COLEC12: variants seen among roughly 807,000 people sequenced by gnomAD.
The protein encoded by COLEC12 is collectin subfamily member 12.
Under a neutral mutation model 71.1 loss-of-function variants are expected in COLEC12, and 33 were observed. That is an observed-to-expected ratio of 0.46 (90% CI 0.35 to 0.62). The LOEUF is 0.62. Among genes scored for constraint, COLEC12 ranks in the 20% least tolerant of loss-of-function variants. The probability of loss-of-function intolerance (pLI) is 0.00; values close to 1 mark genes in which losing one functional copy is unlikely to be tolerated. For missense variants in COLEC12, 765 were observed against 916.1 expected, an observed-to-expected ratio of 0.84 and a Z score of 2.13; for synonymous variants, 350 against 353.0, an observed-to-expected ratio of 0.99 and a Z score of 0.10.
intron 8 of COLEC12, among the ~76,000 whole-genome samples, chr18:323,452 A>G (rs891759592): frequency 1.3e-5 from 2 of 152,180 alleles, no homozygotes; most frequent in African/African-American, 4.8e-5. Context: ...CAGAGAAGAG[A>G]CAAAGTCCCA....
chr18:467,471 G>A (rs1917110170), intron 2 of COLEC12, among the ~76,000 whole-genome samples: 1 of 152,206 alleles, frequency 6.6e-6, no homozygotes, highest in South Asian at 2.1e-4. Context: ...TCCTCTGTTG[G>A]TAACTGGTGG....
chr18:342,387 G>A (rs557264440), intron 5 of COLEC12, among the ~76,000 whole-genome samples: 2 of 152,376 alleles, frequency 1.3e-5, no homozygotes, highest in South Asian at 4.1e-4. Flanking sequence ...CAGTCAGTCA[G>A]CTTCAGCTCC....
chr18:370,997 T>G (rs927630740), intron 2 of COLEC12, among the ~76,000 whole-genome samples: 1 of 152,200 alleles, frequency 6.6e-6, no homozygotes, highest in South Asian at 2.1e-4. Context: ...AAATGAAGAA[T>G]ACAATGAAGT....
intron 2 of COLEC12, among the ~76,000 whole-genome samples, chr18:398,241 G>A (rs1915611351): frequency 6.6e-6 from 1 of 152,154 alleles, no homozygotes; most frequent in Non-Finnish European, 1.5e-5. Context: ...AATACCTTCA[G>A]TAAATGGATT....
At chr18:415,128 G>A (rs1915962493) in intron 2 of COLEC12, among the ~76,000 whole-genome samples, 1 of 152,202 alleles carries the variant, frequency 6.6e-6, no homozygotes. Flanking sequence ...CAAGGCAATG[G>A]CAAACATTTG....
At chr18:370,494 T>G (rs1914976652) in intron 2 of COLEC12, among the ~76,000 whole-genome samples, 1 of 152,196 alleles carries the variant, frequency 6.6e-6, no homozygotes. Context: ...GAATATGGAA[T>G]TTGGAATTAG....
At chr18:477,047 G>A (rs78721297) in intron 2 of COLEC12, among the ~76,000 whole-genome samples, 6,315 of 152,232 alleles carry the variant, frequency 0.041, 198 homozygotes, top group Admixed American at 0.12. Context: ...CTTTGGGAAC[G>A]GGGCTGAACA....
chr18:486,870 G>T (rs1292699421), intron 1 of COLEC12, among the ~76,000 whole-genome samples: 3 of 152,192 alleles, frequency 2.0e-5, no homozygotes, highest in African/African-American at 7.2e-5. Context: ...CTGTTGGTGG[G>T]AATGTAAAAT....
At position 346,267 on chromosome 18, in the gene COLEC12, C is replaced by A; in HGVS notation, c.1327+28G>T. On this transcript the variant is annotated intron_variant, in intron 5 of 9. Coordinates refer to ENST00000400256, the MANE Select transcript of COLEC12 (RefSeq NM_130386.3). The surrounding 1 kb of genome is among the most constrained non-coding windows in gnomAD (Gnocchi z 4.0). ...GTTATGCAGCAATAAACAACTAATA[C>A]AAATACAAATTCAGAATTTTGACTT... 1 of 1,519,820 alleles carries A rather than the reference C, an allele frequency of 6.6e-7. No individual in the cohort carries two copies. The highest frequency in any genetic ancestry group is 1.2e-5 in the South Asian group (1 of 82,292). 94.1% of individuals were successfully genotyped at this position (1,519,820 alleles called of 1,614,324 possible). A position where few individuals can be genotyped will look rare whatever the true frequency, so the allele number is the denominator to read the frequency against.
At position 327,552 on chromosome 18, in the gene COLEC12, C is replaced by T. The variant is rs1388345905; in HGVS notation, c.2063+4116G>A. Among the ~76,000 whole-genome samples the T allele has an allele frequency of 6.6e-6, 1 of 152,194 alleles. No individual in the cohort carries two copies. Among genetic ancestry groups the T allele is most frequent in the Non-Finnish European group, 1.5e-5 (1 of 68,040 alleles). On this transcript the variant is annotated intron_variant, in intron 8 of 9. Transcript: ENST00000400256. The surrounding 1 kb of genome is among the most constrained non-coding windows in gnomAD (Gnocchi z 4.0). ...TAAGCCTGAGCTCAATCTGTGTGTC[C>T]CCTAAGCCTTTGGCTTCTGTTCCAT...
At chr18:386,289 C>A (rs1312750782) in intron 2 of COLEC12, among the ~76,000 whole-genome samples, 1 of 152,124 alleles carries the variant, frequency 6.6e-6, no homozygotes, top group East Asian at 1.9e-4. Flanking sequence ...ATGTTGTAAC[C>A]ATACATGGGC....
intron 2 of COLEC12, among the ~76,000 whole-genome samples, chr18:419,139 G>A (rs1916045384): frequency 6.7e-6 from 1 of 149,300 alleles, no homozygotes; most frequent in African/African-American, 2.5e-5. Flanking sequence ...ATCAATGTAA[G>A]GCATCATACT....
At chr18:430,954 T>C (rs8091597) in intron 2 of COLEC12, among the ~76,000 whole-genome samples, 36,361 of 152,096 alleles carry the variant, frequency 0.24, 4,755 homozygotes, top group African/African-American at 0.3. Context: ...AGTGGCAACA[T>C]ATAGGAACTA....
In COLEC12 at chr18:347,206, A is replaced by C; in HGVS notation, c.416T>G (p.Leu139Ter). The C allele has an allele frequency of 6.2e-7, 1 of 1,614,154 alleles. No homozygotes were observed. Among genetic ancestry groups the C allele is most frequent in the Non-Finnish European group, 8.5e-7 (1 of 1,180,044 alleles). The change falls in exon 5 of 10, where the codon TTA becomes TGA. Residue 139 changes from leucine (L) to a stop codon, truncating the protein, a stop_gained. Coordinates refer to ENST00000400256, the MANE Select transcript of COLEC12 (RefSeq NM_130386.3). LOFTEE classifies it high-confidence loss of function. ...TSKNKDTLEKLQASGDALVDR... is the reference protein window; with the variant it reads ...TSKNKDTLEK Reference sequence around the variant, plus strand: ...CACCAGAGCATCCCCGCTCGCCTGTAACTTCTCCAGCGTATCCTTGTTCTT... The same window carrying C: ...CACCAGAGCATCCCCGCTCGCCTGTCACTTCTCCAGCGTATCCTTGTTCTT...
chr18:419,100 A>G (rs1194637463), intron 2 of COLEC12, among the ~76,000 whole-genome samples: 1 of 152,232 alleles, frequency 6.6e-6, no homozygotes, highest in Non-Finnish European at 1.5e-5. Context: ...ATTGGCTAAT[A>G]TATCTTAAAA....
rs1003671702 is a variant in COLEC12 at position 500,477 on chromosome 18, C to A, written c.7+31G>T. On this transcript the variant is annotated intron_variant, in intron 1 of 9. Transcript: ENST00000400256. The surrounding 1 kb of genome is among the most constrained non-coding windows in gnomAD (Gnocchi z 5.3). ...GCGCCCCGAAGCCCGTTCCCCCCGC[C>A]CAGAGCCCCGCGGAGCTGCCGCCGC... is the stretch of plus-strand genomic sequence containing the variant. The A allele has an allele frequency of 2.4e-6, 3 of 1,227,814 alleles. No homozygotes were observed. In the African/African-American group the frequency reaches 4.7e-5, roughly 19 times the overall value. The allele number at this position is 1,227,814 out of a possible 1,614,324, so 76.1% of individuals were successfully genotyped here.
chr18:466,426 C>A (rs1317796831), intron 2 of COLEC12, among the ~76,000 whole-genome samples: 1 of 152,148 alleles, frequency 6.6e-6, no homozygotes, highest in Non-Finnish European at 1.5e-5. Context: ...CGCAGACTAT[C>A]CGTGCTCTGT....
At chr18:465,265 G>C (rs571586993) in intron 2 of COLEC12, among the ~76,000 whole-genome samples, 45 of 152,162 alleles carry the variant, frequency 3.0e-4, no homozygotes, top group Non-Finnish European at 5.4e-4. Flanking sequence ...ACCACACCTG[G>C]ATAATTTTTG....
At chr18:474,893 T>C (rs993441583) in intron 2 of COLEC12, among the ~76,000 whole-genome samples, 5 of 151,800 alleles carry the variant, frequency 3.3e-5, no homozygotes, top group Admixed American at 3.3e-4. Flanking sequence ...GCCAACAGGA[T>C]AAAACCCCGT....
Sources: gnomAD v4.1 joint callset for allele counts (sites outside exome capture counted in the v4.1 genomes callset) on GRCh38, gnomAD v4.1.1 for gene constraint, Gnocchi (gnomAD v3.1) non-coding constraint, MANE v1.5 for transcripts, NCBI Gene and HGNC (gene_info 2026-07-23, HGNC 2026-07-21) for gene names.